The following ATE1 variants were observed in gnomAD, a reference collection of about 807,000 sequenced individuals.
ATE1 encodes the protein arginyltransferase 1, also known as arginyl-tRNA--protein transferase 1.
Under a neutral mutation model 70.5 loss-of-function variants are expected in ATE1, and 36 were observed. That is an observed-to-expected ratio of 0.51 (90% CI 0.39 to 0.67). The LOEUF (loss-of-function observed/expected upper bound fraction) is 0.67, where lower values mean the gene tolerates loss of function less well. Ranked by LOEUF, ATE1 falls within the 30% of genes least tolerant of loss-of-function variation. The pLI, the probability that ATE1 is intolerant of heterozygous loss-of-function variation, is 0.00. For missense variants in ATE1, 593 were observed against 629.5 expected (o/e 0.94, Z 0.62); for synonymous variants, 232 against 219.3 (o/e 1.06, Z -0.51).
At chr10:121,871,315 T>C (rs1949850054) in intron 7 of ATE1, among the ~76,000 whole-genome samples, 1 of 151,894 alleles carries the variant, frequency 6.6e-6, no homozygotes, top group South Asian at 2.1e-4. Flanking sequence ...AAAAATTAGC[T>C]GTGTGTGGTA....
At chr10:121,826,466 C>T (rs934258681) in intron 10 of ATE1, among the ~76,000 whole-genome samples, 95 of 152,242 alleles carry the variant, frequency 6.2e-4, no homozygotes, top group African/African-American at 2.2e-3. Context: ...TCACCACATC[C>T]ACTAAACGTT....
intron 5 of ATE1, among the ~76,000 whole-genome samples, chr10:121,902,827 G>A (rs1008166453): frequency 1.3e-5 from 2 of 152,116 alleles, no homozygotes; most frequent in Non-Finnish European, 2.9e-5. Flanking sequence ...AAAGTAAATA[G>A]CACAGAAACT....
chr10:121,869,385 G>A (rs996397984), intron 8 of ATE1, among the ~76,000 whole-genome samples: 4 of 152,154 alleles, frequency 2.6e-5, no homozygotes, highest in Non-Finnish European at 2.9e-5. Flanking sequence ...TGCAAATGCA[G>A]CTCATAACGA....
chr10:121,922,331 A>G lies in ATE1; in HGVS notation c.233+18T>C, dbSNP rs763588130. 5 of 1,519,342 alleles carry G rather than the reference A, an allele frequency of 3.3e-6. No individual in the cohort carries two copies. The South Asian group carries it at 5.8e-5, about 18-fold the overall frequency. The allele number at this position is 1,519,342 out of a possible 1,614,324, so 94.1% of individuals were successfully genotyped here. A position where few individuals can be genotyped will look rare whatever the true frequency, so the allele number is the denominator to read the frequency against. On this transcript the variant is annotated intron_variant, in intron 3 of 11. Coordinates refer to ENST00000224652, the MANE Select transcript of ATE1 (RefSeq NM_001001976.3). ...TCTTCATACTATAAATCCTCTTTCT[A>G]CTAATTAAAATTCTTACCTTATTGT...
intron 10 of ATE1, among the ~76,000 whole-genome samples, chr10:121,793,755 CT>C (rs551416669): frequency 1.4e-3 from 211 of 152,114 alleles, no homozygotes; most frequent in Non-Finnish European, 2.3e-3. Flanking sequence ...TGTCACAAAT[CT>C]TTTCCAAGTT....
intron 11 of ATE1, among the ~76,000 whole-genome samples, chr10:121,782,870 T>A (rs997211981): frequency 3.3e-5 from 5 of 152,336 alleles, no homozygotes; most frequent in African/African-American, 1.2e-4. Flanking sequence ...CCGTACTGGA[T>A]GCTTCCTGCC....
At chr10:121,791,571 T>TA in intron 10 of ATE1, among the ~76,000 whole-genome samples, 1 of 152,232 alleles carries the variant, frequency 6.6e-6, no homozygotes. Context: ...TGAGCTTATT[T>TA]AAAATTCCAA....
chr10:121,770,411 T>A (rs1755799385), intron 11 of ATE1, among the ~76,000 whole-genome samples: 1 of 152,174 alleles, frequency 6.6e-6, no homozygotes, highest in African/African-American at 2.4e-5. Context: ...AAGTCCCTAA[T>A]AATCTGAGAT....
intron 11 of ATE1, among the ~76,000 whole-genome samples, chr10:121,774,169 G>T (rs1026168101): frequency 6.6e-6 from 1 of 152,122 alleles, no homozygotes; most frequent in Admixed American, 6.5e-5. Flanking sequence ...CGCAATAATG[G>T]ATTCTTGAAC....
intron 5 of ATE1, among the ~76,000 whole-genome samples, chr10:121,910,216 T>C (rs1052086768): frequency 6.6e-6 from 1 of 152,092 alleles, no homozygotes; most frequent in African/African-American, 2.4e-5. Context: ...AAAACTAAAA[T>C]AGTACTAAAA....
chr10:121,896,036 T>C (rs551009552), intron 7 of ATE1, among the ~76,000 whole-genome samples: 1 of 152,362 alleles, frequency 6.6e-6, no homozygotes, highest in Admixed American at 6.5e-5. Flanking sequence ...TAACTTTTAA[T>C]CTAAGAATAG....
chr10:121,830,888 A>G (rs1043577172), intron 10 of ATE1, among the ~76,000 whole-genome samples: 23 of 152,228 alleles, frequency 1.5e-4, no homozygotes, highest in Non-Finnish European at 2.8e-4. Context: ...AATATATTGG[A>G]AAAAATTTAA....
chr10:121,881,544 T>C (rs1192888276), intron 7 of ATE1, among the ~76,000 whole-genome samples: 1 of 151,952 alleles, frequency 6.6e-6, no homozygotes, highest in Non-Finnish European at 1.5e-5. Flanking sequence ...TCCCAGCTAC[T>C]TGGGAAGCTG....
chr10:121,748,711 C>T (rs1564805792), intron 11 of ATE1, among the ~76,000 whole-genome samples: 2 of 151,722 alleles, frequency 1.3e-5, no homozygotes, highest in East Asian at 3.9e-4. Flanking sequence ...TCAAAGCTGT[C>T]AAATCCATAA....
chr10:121,871,444 G>C (rs1227329311), intron 7 of ATE1, among the ~76,000 whole-genome samples: 1 of 152,018 alleles, frequency 6.6e-6, no homozygotes, highest in Non-Finnish European at 1.5e-5. Flanking sequence ...AGGAGACTAG[G>C]GCGAGACTCT....
chr10:121,822,595 CAT>C (rs1265149703), intron 10 of ATE1, among the ~76,000 whole-genome samples: 1 of 152,142 alleles, frequency 6.6e-6, no homozygotes, highest in East Asian at 1.9e-4. Flanking sequence ...TCACAGAAAA[CAT>C]AAGCTGTACT....
intron 7 of ATE1, among the ~76,000 whole-genome samples, chr10:121,897,940 C>G (rs1382135139): frequency 1.3e-5 from 2 of 152,038 alleles, no homozygotes; most frequent in Non-Finnish European, 2.9e-5. Context: ...TCTGGGGGAT[C>G]TGGGAAGTGA....
intron 8 of ATE1, among the ~76,000 whole-genome samples, chr10:121,853,610 A>AAT (rs1949138627): frequency 6.6e-6 from 1 of 152,204 alleles, no homozygotes; most frequent in Non-Finnish European, 1.5e-5. Context: ...CAGATATGGC[A>AAT]TACTTAATGT....
intron 8 of ATE1, among the ~76,000 whole-genome samples, chr10:121,865,715 T>A (rs1949642656): frequency 6.6e-6 from 1 of 152,184 alleles, no homozygotes; most frequent in Admixed American, 6.5e-5. Flanking sequence ...TCTTTTCCCA[T>A]AAAGCTTAAT....
Sources: allele counts gnomAD v4.1 joint callset (sites outside exome capture counted in the v4.1 genomes callset), GRCh38; gene constraint gnomAD v4.1.1; transcripts MANE v1.5; gene names NCBI Gene and HGNC (gene_info 2026-07-23, HGNC 2026-07-21).